Variants in ACOT1 observed in about 807,000 individuals in gnomAD.
ACOT1 encodes acyl-coenzyme A thioesterase 1.
ACOT1 carries 8 observed loss-of-function variants against 15.7 expected under a neutral mutation model. That is an observed-to-expected ratio of 0.51 (90% confidence interval 0.30 to 0.92). The LOEUF is 0.92. Ranked by LOEUF, ACOT1 falls within the 40% of genes least tolerant of loss-of-function variation. The pLI, the probability that ACOT1 is intolerant of heterozygous loss-of-function variation, is 0.06. For missense variants in ACOT1, 151 were observed against 539.4 expected (o/e 0.28, Z 7.13); for synonymous variants, 67 against 241.2 (o/e 0.28, Z 6.69).
the ACOT1 span, chr14:73,523,226 T>G: frequency 7.0e-7 from 1 of 1,419,258 alleles, no homozygotes; most frequent in South Asian, 1.4e-5. Context: ...ACCTGGCACC[T>G]GTTAAGGGAA....
At chr14:73,523,775 C>CCATAACTCT in the ACOT1 span, among the ~76,000 whole-genome samples, 1 of 152,160 alleles carries the variant, frequency 6.6e-6, no homozygotes, top group African/African-American at 2.4e-5. Context: ...TTGTGCTGCT[C>CCATAACTCT]CATAACTCTT....
At chr14:73,493,345 G>C in the ACOT1 span, 3 of 498,008 alleles carry the variant, frequency 6.0e-6, no homozygotes, top group South Asian at 1.0e-4. Flanking sequence ...GTTTGTTATT[G>C]TTAAATTTGT....
chr14:73,527,685 TACACAGTCAGGGCCAGGCAGGATGGCTC>T, the ACOT1 span, among the ~76,000 whole-genome samples: 1 of 151,732 alleles, frequency 6.6e-6, no homozygotes, highest in African/African-American at 2.4e-5. Flanking sequence ...TATATGAAAA[TACACAGTCAGGGCCAGGCAGGATGGCTC>T]ATGCCTGTAA....
chr14:73,502,555 C>CTT, the ACOT1 span, among the ~76,000 whole-genome samples: 1 of 146,590 alleles, frequency 6.8e-6, no homozygotes, highest in Non-Finnish European at 1.5e-5. Flanking sequence ...CTCCTAAGCA[C>CTT]TTTTTTTTTT....
the ACOT1 span, among the ~76,000 whole-genome samples, chr14:73,497,427 C>A: frequency 6.6e-6 from 1 of 152,142 alleles, no homozygotes; most frequent in Non-Finnish European, 1.5e-5. Context: ...TTAATTATCA[C>A]CACAACCCTA....
chr14:73,505,886 G>A, the ACOT1 span, among the ~76,000 whole-genome samples: 17 of 121,696 alleles, frequency 1.4e-4, no homozygotes, highest in African/African-American at 4.2e-4. Context: ...TACTATAAAC[G>A]TTTCTTTTTT....
At chr14:73,491,245 G>C in the ACOT1 span, 1 of 1,586,386 alleles carries the variant, frequency 6.3e-7, no homozygotes, top group Non-Finnish European at 8.6e-7. Flanking sequence ...ACGACCTGGG[G>C]GACGCGCTAC....
the ACOT1 span, among the ~76,000 whole-genome samples, chr14:73,497,943 G>C: frequency 6.6e-6 from 1 of 152,118 alleles, no homozygotes; most frequent in Non-Finnish European, 1.5e-5. Context: ...ATCCTGGTGG[G>C]GAGAAAAGAT....
At chr14:73,508,347 G>A in the ACOT1 span, 4 of 1,562,548 alleles carry the variant, frequency 2.6e-6, no homozygotes, top group Non-Finnish European at 3.5e-6. Context: ...TTTCCCCCTA[G>A]AGAACAGCCT....
chr14:73,500,025 C>G, the ACOT1 span, among the ~76,000 whole-genome samples: 1 of 152,192 alleles, frequency 6.6e-6, no homozygotes, highest in Non-Finnish European at 1.5e-5. Flanking sequence ...GTCAGGACAT[C>G]GAGACCATCC....
the ACOT1 span, among the ~76,000 whole-genome samples, chr14:73,499,458 T>A: frequency 6.6e-6 from 1 of 151,936 alleles, no homozygotes; most frequent in South Asian, 2.1e-4. Flanking sequence ...CCAGCCTGGG[T>A]GACAGAGCGA....
Position 73,540,431 on chromosome 14 carries a change from A to AT in ACOT1, c.458-1062_458-1061insT, listed in dbSNP as rs1443525247. On this transcript the variant is annotated intron_variant, in intron 1 of 2. Transcript: ENST00000311148. Reference sequence around the variant, plus strand: ...CAACATCTATCAAGATATACAAAAGAAAAGAAAAAAATAAAAAAGAATCAA... The same window carrying AT: ...CAACATCTATCAAGATATACAAAAGATAAAGAAAAAAATAAAAAAGAATCAA... Among the ~76,000 whole-genome samples the AT allele has an allele frequency of 2.6e-5, 3 of 113,732 alleles. 1 individual carries two copies. The highest frequency in any genetic ancestry group is 5.7e-5 in the Non-Finnish European group (3 of 52,898). The allele number at this position is 113,732 out of a possible 152,430, so 74.6% of individuals were successfully genotyped here. A position where few individuals can be genotyped will look rare whatever the true frequency, so the allele number is the denominator to read the frequency against.
At chr14:73,514,121 T>G in the ACOT1 span, 7 of 1,613,690 alleles carry the variant, frequency 4.3e-6, no homozygotes, top group East Asian at 6.7e-5. Flanking sequence ...TTTGCCTGCT[T>G]CTTCAATCTC....
At chr14:73,495,095 C>T in the ACOT1 span, 1 of 652,082 alleles carries the variant, frequency 1.5e-6, no homozygotes, top group Admixed American at 2.8e-5. Flanking sequence ...TGGATGGTAG[C>T]CAAGAGGGAA....
chr14:73,517,216 T>C, the ACOT1 span: 2 of 152,302 alleles, frequency 1.3e-5, no homozygotes, highest in African/African-American at 4.8e-5. Flanking sequence ...CGTGCCACCA[T>C]GCCCAACTAA....
At chr14:73,510,308 C>T in the ACOT1 span, among the ~76,000 whole-genome samples, 2 of 152,106 alleles carry the variant, frequency 1.3e-5, no homozygotes, top group Admixed American at 1.3e-4. Context: ...TTTGGTTCAA[C>T]TAAACAGTAA....
At chr14:73,518,183 A>G in the ACOT1 span, among the ~76,000 whole-genome samples, 3 of 152,166 alleles carry the variant, frequency 2.0e-5, no homozygotes, top group African/African-American at 7.2e-5. Flanking sequence ...GCCTCCAAGG[A>G]TAGACTGAGC....
the ACOT1 span, chr14:73,520,617 C>T: frequency 2.3e-6 from 1 of 427,228 alleles, no homozygotes. Flanking sequence ...TTCATTGCCT[C>T]TTTAGTAAGA....
chr14:73,501,879 G>C, the ACOT1 span, among the ~76,000 whole-genome samples: 1 of 151,496 alleles, frequency 6.6e-6, no homozygotes, highest in Non-Finnish European at 1.5e-5. Context: ...TCAGCCTCCC[G>C]AATAGCTGGG....
Sources: gnomAD v4.1 joint callset for allele counts (sites outside exome capture counted in the v4.1 genomes callset) on GRCh38, gnomAD v4.1.1 for gene constraint, MANE v1.5 for transcripts, NCBI Gene and HGNC (gene_info 2026-07-23, HGNC 2026-07-21) for gene names.